PRKN: variants seen among roughly 807,000 people sequenced by gnomAD.
The protein encoded by PRKN is E3 ubiquitin-protein ligase parkin.
PRKN carries 56 observed loss-of-function variants against 59.5 expected under a neutral mutation model. That is an observed-to-expected ratio of 0.94 (90% confidence interval 0.76 to 1.18). The LOEUF (loss-of-function observed/expected upper bound fraction) is 1.18, where lower values mean the gene tolerates loss of function less well. PRKN is among the 50% of genes most tolerant of loss of function. The pLI is 0.00. For missense variants in PRKN, 657 were observed against 596.4 expected, an observed-to-expected ratio of 1.10 and a Z score of -1.06; for synonymous variants, 250 against 222.1, an observed-to-expected ratio of 1.13 and a Z score of -1.12.
intron 1 of PRKN, among the ~76,000 whole-genome samples, chr6:162,664,488 G>A (rs180693398): frequency 6.6e-6 from 1 of 152,110 alleles, no homozygotes; most frequent in African/African-American, 2.4e-5. Context: ...CACAACGGTC[G>A]AACTAATTTA....
chr6:162,358,179 G>A (rs1393540795), intron 2 of PRKN, among the ~76,000 whole-genome samples: 3 of 152,172 alleles, frequency 2.0e-5, no homozygotes, highest in East Asian at 1.9e-4. Context: ...GAGAAATAGG[G>A]AAAATCTTTG....
chr6:161,540,208 T>C (rs1779569531), intron 9 of PRKN, among the ~76,000 whole-genome samples: 1 of 152,224 alleles, frequency 6.6e-6, no homozygotes, highest in Non-Finnish European at 1.5e-5. Context: ...TTTGTTGTTA[T>C]TATCATAATG....
chr6:162,335,857 AAG>A (rs1224381665), intron 2 of PRKN, among the ~76,000 whole-genome samples: 1 of 151,754 alleles, frequency 6.6e-6, no homozygotes, highest in Non-Finnish European at 1.5e-5. Context: ...TCTTCCAGCA[AAG>A]AGAGGGGCCC....
intron 6 of PRKN, among the ~76,000 whole-genome samples, chr6:161,926,443 C>T (rs1416478195): frequency 1.3e-5 from 2 of 152,150 alleles, no homozygotes; most frequent in South Asian, 2.1e-4. Context: ...ACTTATCTGG[C>T]TTGGCGCACA....
chr6:162,300,917 T>C (rs77625767), intron 2 of PRKN, among the ~76,000 whole-genome samples: 19,500 of 151,852 alleles, frequency 0.13, 1,932 homozygotes, highest in African/African-American at 0.27. Flanking sequence ...TAAACACCAA[T>C]AGCAAACTGG....
chr6:161,685,150 AT>A (rs1785507361), intron 7 of PRKN, among the ~76,000 whole-genome samples: 1 of 152,192 alleles, frequency 6.6e-6, no homozygotes, highest in Non-Finnish European at 1.5e-5. Context: ...AAGGCTTTAA[AT>A]TTTGACAGGT....
intron 2 of PRKN, among the ~76,000 whole-genome samples, chr6:162,308,012 C>T (rs1163234561): frequency 2.2e-4 from 33 of 152,178 alleles, no homozygotes; most frequent in Admixed American, 2.2e-3. Context: ...GCAAACTCCC[C>T]TCTCCTGGCC....
At chr6:161,986,536 T>C (rs1781443585) in intron 5 of PRKN, among the ~76,000 whole-genome samples, 2 of 150,932 alleles carry the variant, frequency 1.3e-5, no homozygotes, top group East Asian at 1.9e-4. Flanking sequence ...TCTTTTGAGT[T>C]ACAATTGGGA....
rs56916508 is a variant in PRKN, at chr6:161,460,751, C to CTTTT, written c.1084-73878_1084-73875dup. Among the ~76,000 whole-genome samples, 1 of 144,550 alleles carries CTTTT rather than the reference C, an allele frequency of 6.9e-6. No individual in the cohort carries two copies. The allele number at this position is 144,550 out of a possible 152,430, so 94.8% of individuals were successfully genotyped here. A position where few individuals can be genotyped will look rare whatever the true frequency, so the allele number is the denominator to read the frequency against. The stretch of plus-strand genomic sequence containing the variant: ...ATCCCACACACCAACCAAGAGTTAT[C>CTTTT]TTTTTTTTTTTTTTCTTCAGATGGA... On this transcript the variant is annotated intron_variant, in intron 9 of 11. Transcript: ENST00000366898. The surrounding 1 kb of genome is among the most constrained non-coding windows in gnomAD (Gnocchi z 5.0).
At chr6:162,355,115 T>G (rs1033854071) in intron 2 of PRKN, among the ~76,000 whole-genome samples, 3 of 151,730 alleles carry the variant, frequency 2.0e-5, no homozygotes, top group Admixed American at 1.3e-4. Context: ...AAATATTTAT[T>G]ATATTTTTCT....
At chr6:162,391,380 C>A (rs936698032) in intron 2 of PRKN, among the ~76,000 whole-genome samples, 1 of 151,606 alleles carries the variant, frequency 6.6e-6, no homozygotes, top group Non-Finnish European at 1.5e-5. Context: ...TCTTACTGCG[C>A]ATGCTTGACG....
chr6:161,900,581 T>G (rs1360355128), intron 6 of PRKN, among the ~76,000 whole-genome samples: 1 of 91,206 alleles, frequency 1.1e-5, no homozygotes, highest in Non-Finnish European at 2.2e-5. Context: ...ATGTAATATA[T>G]TATATATTAA....
At chr6:161,892,179 A>G (rs1795366748) in intron 6 of PRKN, among the ~76,000 whole-genome samples, 1 of 152,136 alleles carries the variant, frequency 6.6e-6, no homozygotes, top group Non-Finnish European at 1.5e-5. Flanking sequence ...CATGCCTATA[A>G]TCCCAGTGCT....
intron 6 of PRKN, among the ~76,000 whole-genome samples, chr6:161,885,521 C>A (rs1243376315): frequency 6.6e-6 from 1 of 151,884 alleles, no homozygotes; most frequent in Non-Finnish European, 1.5e-5. Flanking sequence ...AAAAATTAGC[C>A]AGGCGTGGTG....
At chr6:161,543,366 T>A (rs1264313129) in intron 9 of PRKN, among the ~76,000 whole-genome samples, 1 of 152,212 alleles carries the variant, frequency 6.6e-6, no homozygotes, top group Non-Finnish European at 1.5e-5. Flanking sequence ...TGAGGGAGGC[T>A]TTACAACTTC....
intron 7 of PRKN, among the ~76,000 whole-genome samples, chr6:161,649,170 GGAGGAACATAAAA>G (rs1784064307): frequency 6.6e-6 from 1 of 152,130 alleles, no homozygotes; most frequent in African/African-American, 2.4e-5. Context: ...TCTCAAAATT[GGAGGAACATAAAA>G]GAGGCCCAGC....
chr6:162,499,045 A>C (rs938196627), intron 1 of PRKN, among the ~76,000 whole-genome samples: 4 of 152,188 alleles, frequency 2.6e-5, no homozygotes, highest in African/African-American at 7.2e-5. Context: ...CAACTTAAAA[A>C]GACTTCAGTG....
chr6:162,092,271 C>T (rs1779528700), intron 4 of PRKN, among the ~76,000 whole-genome samples: 1 of 152,104 alleles, frequency 6.6e-6, no homozygotes, highest in African/African-American at 2.4e-5. Context: ...AGGAGAATCA[C>T]TGAACCTGGG....
chr6:162,071,311 T>C (rs1272683798), intron 4 of PRKN, among the ~76,000 whole-genome samples: 1 of 151,476 alleles, frequency 6.6e-6, no homozygotes. Flanking sequence ...CCCAGCATTT[T>C]CCCCACTTTC....
Sources: gnomAD v4.1 joint callset for allele counts (sites outside exome capture counted in the v4.1 genomes callset) on GRCh38, gnomAD v4.1.1 for gene constraint, Gnocchi (gnomAD v3.1) non-coding constraint, MANE v1.5 for transcripts, NCBI Gene and HGNC (gene_info 2026-07-23, HGNC 2026-07-21) for gene names.